Variants in PDE4D observed in about 807,000 individuals in gnomAD.
PDE4D encodes the protein phosphodiesterase 4D.
In PDE4D, 24 loss-of-function variants were observed where a neutral mutation model predicts 87.4. The ratio of observed to expected loss-of-function variants is 0.27; its 90% confidence interval spans 0.20 to 0.39. The LOEUF is 0.39. Ranked by LOEUF, PDE4D falls within the 10% of genes least tolerant of loss-of-function variation. The pLI is 1.00. For missense variants in PDE4D, 714 were observed against 1,041.0 expected (o/e 0.69, Z 4.32); for synonymous variants, 384 against 383.2 (o/e 1.00, Z -0.02).
chr5:59,147,182 G>A (rs1044837698), intron 5 of PDE4D, among the ~76,000 whole-genome samples: 2 of 152,088 alleles, frequency 1.3e-5, no homozygotes, highest in Non-Finnish European at 2.9e-5. Context: ...AAAAAGGTTG[G>A]GGACCACTGC....
At chr5:60,040,458 T>A (rs1768345380) in intron 2 of PDE4D, among the ~76,000 whole-genome samples, 1 of 152,242 alleles carries the variant, frequency 6.6e-6, no homozygotes, top group Admixed American at 6.5e-5. Flanking sequence ...ATTGTCCTAA[T>A]TAATGTTGTA....
chr5:59,316,401 A>G (rs970036467), intron 1 of PDE4D, among the ~76,000 whole-genome samples: 2 of 152,162 alleles, frequency 1.3e-5, no homozygotes, highest in Non-Finnish European at 2.9e-5. Context: ...TAGCTGAAAC[A>G]GTTGATAATC....
chr5:60,059,292 C>T (rs181422788), intron 2 of PDE4D, among the ~76,000 whole-genome samples: 194 of 152,048 alleles, frequency 1.3e-3, no homozygotes, highest in African/African-American at 4.4e-3. Context: ...CACCTAACTC[C>T]AAGTTCTCAG....
intron 1 of PDE4D, among the ~76,000 whole-genome samples, chr5:59,254,518 C>T (rs973499002): frequency 6.6e-6 from 1 of 151,926 alleles, no homozygotes; most frequent in African/African-American, 2.4e-5. Context: ...GCACTAAGCA[C>T]CTCATGGTGC....
intron 1 of PDE4D, among the ~76,000 whole-genome samples, chr5:60,358,523 C>T (rs1759804177): frequency 6.6e-6 from 1 of 152,022 alleles, no homozygotes; most frequent in Admixed American, 6.6e-5. Flanking sequence ...TAGATATTCC[C>T]TGGGTGGTAC....
intron 1 of PDE4D, chr5:59,314,228 C>T (rs562499671): frequency 3.9e-5 from 6 of 152,214 alleles, no homozygotes; most frequent in Admixed American, 2.0e-4. Flanking sequence ...ACTTATTCAA[C>T]CCCCTCACTT....
intron 11 of PDE4D, among the ~76,000 whole-genome samples, chr5:58,982,559 A>G (rs545641537): frequency 6.6e-6 from 1 of 152,340 alleles, no homozygotes; most frequent in East Asian, 1.9e-4. Flanking sequence ...CACTAAGGAC[A>G]AAATGCTACC....
At chr5:60,224,289 T>C (rs1211150803) in intron 1 of PDE4D, among the ~76,000 whole-genome samples, 1 of 152,120 alleles carries the variant, frequency 6.6e-6, no homozygotes, top group Non-Finnish European at 1.5e-5. Flanking sequence ...CTCTGTCTAT[T>C]GCAGCCCTCT....
chr5:59,230,555 T>A (rs1272207842), intron 1 of PDE4D, among the ~76,000 whole-genome samples: 1 of 152,196 alleles, frequency 6.6e-6, no homozygotes, highest in East Asian at 1.9e-4. Context: ...ATATTATGTG[T>A]TAAGTATGTT....
chr5:60,385,015 G>T (rs1382240840), intron 1 of PDE4D, among the ~76,000 whole-genome samples: 1 of 152,046 alleles, frequency 6.6e-6, no homozygotes, highest in Non-Finnish European at 1.5e-5. Flanking sequence ...GGCCATAATT[G>T]CAACGAACTG....
At chr5:60,076,393 C>T (rs1388553620) in intron 2 of PDE4D, among the ~76,000 whole-genome samples, 3 of 152,214 alleles carry the variant, frequency 2.0e-5, no homozygotes, top group Non-Finnish European at 2.9e-5. Context: ...ATCTTGACCT[C>T]GTGATCCACC....
intron 6 of PDE4D, among the ~76,000 whole-genome samples, chr5:58,994,752 GT>G (rs1439061463): frequency 6.6e-6 from 1 of 152,090 alleles, no homozygotes; most frequent in Non-Finnish European, 1.5e-5. Context: ...TCTAGATTAA[GT>G]TTTAACTCCG....
At chr5:59,810,473 T>C (rs1261006487) in intron 1 of PDE4D, among the ~76,000 whole-genome samples, 1 of 152,236 alleles carries the variant, frequency 6.6e-6, no homozygotes, top group East Asian at 1.9e-4. Flanking sequence ...TGATGACTCG[T>C]TTCTACTGGG....
intron 2 of PDE4D, among the ~76,000 whole-genome samples, chr5:59,991,233 C>T (rs1001052497): frequency 5.3e-5 from 8 of 152,150 alleles, no homozygotes; most frequent in African/African-American, 1.9e-4. Context: ...TTGGTTGTTA[C>T]AAAATCAGAG....
intron 1 of PDE4D, among the ~76,000 whole-genome samples, chr5:59,350,028 A>G (rs909368801): frequency 1.3e-5 from 2 of 152,286 alleles, no homozygotes; most frequent in Non-Finnish European, 2.9e-5. Context: ...TTTGAAAAAA[A>G]TGCATATAAT....
chr5:59,007,830 T>C (rs1452899719), intron 6 of PDE4D, among the ~76,000 whole-genome samples: 2 of 149,376 alleles, frequency 1.3e-5, no homozygotes, highest in African/African-American at 4.8e-5. Context: ...GATCTTATTT[T>C]AATTTTTTTT....
chr5:59,447,191 T>A (rs1483703112), intron 1 of PDE4D, among the ~76,000 whole-genome samples: 3 of 152,200 alleles, frequency 2.0e-5, no homozygotes, highest in Non-Finnish European at 4.4e-5. Context: ...TTACCTTCAC[T>A]CAACATGGCT....
At chr5:60,480,792 A>G (rs1221975457) in intron 1 of PDE4D, among the ~76,000 whole-genome samples, 1 of 152,112 alleles carries the variant, frequency 6.6e-6, no homozygotes, top group Non-Finnish European at 1.5e-5. Context: ...GAATCTTAAA[A>G]CTGAGACATA....
At chr5:59,582,154 C>T (rs1431101113) in intron 1 of PDE4D, among the ~76,000 whole-genome samples, 1 of 152,086 alleles carries the variant, frequency 6.6e-6, no homozygotes, top group East Asian at 1.9e-4. Flanking sequence ...TCAGCTATTA[C>T]CTGCAATTTC....
Sources: allele counts gnomAD v4.1 joint callset (sites outside exome capture counted in the v4.1 genomes callset), GRCh38; gene constraint gnomAD v4.1.1; transcripts MANE v1.5; gene names NCBI Gene and HGNC (gene_info 2026-07-23, HGNC 2026-07-21).